The following SLC36A1 variants were observed in gnomAD, a reference collection of about 807,000 sequenced individuals.
SLC36A1 encodes the protein solute carrier family 36 member 1.
SLC36A1 carries 30 observed loss-of-function variants against 47.5 expected under a neutral mutation model. That is an observed-to-expected ratio of 0.63 (90% CI 0.47 to 0.86). The LOEUF (loss-of-function observed/expected upper bound fraction) is 0.86, where lower values mean the gene tolerates loss of function less well. SLC36A1 is among the 40% of genes least tolerant of loss of function. The pLI, the probability that SLC36A1 is intolerant of heterozygous loss-of-function variation, is 0.00. For synonymous variants in SLC36A1, 255 were observed against 249.7 expected (o/e 1.02, Z -0.20); for missense variants, 517 against 606.0 (o/e 0.85, Z 1.54).
At chr5:151,486,233 G>C (rs1228869656) in intron 10 of SLC36A1, among the ~76,000 whole-genome samples, 4 of 152,088 alleles carry the variant, frequency 2.6e-5, no homozygotes, top group Non-Finnish European at 5.9e-5. Context: ...GAGGTACCAG[G>C]CTCTTTTAAA....
intron 5 of SLC36A1, 83 bp from the exon 6 acceptor site, chr5:151,467,112 AAAAC>A (rs1756511139): frequency 1.9e-6 from 2 of 1,066,332 alleles, no homozygotes; most frequent in African/African-American, 3.2e-5. Context: ...AATCTATTAA[AAAAC>A]AAAAACAAAA....
the SLC36A1 span, chr5:151,506,158 C>T: frequency 1.4e-6 from 2 of 1,477,464 alleles, no homozygotes; most frequent in South Asian, 2.8e-5. Context: ...TCAGCTGGCT[C>T]TATAGCAACT....
In SLC36A1 at chr5:151,480,317, A is replaced by T. The variant is rs1239744283; in HGVS notation, c.1159+828A>T. Among the ~76,000 whole-genome samples, 2 of 152,152 alleles carry T rather than the reference A, an allele frequency of 1.3e-5. 1 individual carries two copies. Among genetic ancestry groups the T allele is most frequent in the East Asian group, 3.9e-4 (2 of 5,176 alleles). ...CTCTTTTTAGGTTTTATTATTTTTG[A>T]ACAAGAACCTCTTTGCTTATTATGT... On this transcript the variant is annotated intron_variant, in intron 10 of 10. Transcript: ENST00000243389.
the SLC36A1 span, chr5:151,534,682 A>AAATATTACC: frequency 5.1e-6 from 8 of 1,557,728 alleles, 1 homozygote; most frequent in Non-Finnish European, 7.1e-6. Flanking sequence ...TTCTCTGGGG[A>AAATATTACC]AATATTACCC....
the SLC36A1 span, among the ~76,000 whole-genome samples, chr5:151,365,737 G>A: frequency 1.9e-4 from 29 of 152,228 alleles, no homozygotes; most frequent in Admixed American, 1.7e-3. Context: ...GTTAGCACTA[G>A]TTCCCTAACT....
At chr5:151,444,092 G>A (rs528348869), upstream of SLC36A1, among the ~76,000 whole-genome samples, 2 of 152,094 alleles carry the variant, frequency 1.3e-5, no homozygotes, top group Non-Finnish European at 2.9e-5. Flanking sequence ...ATTTTGAATC[G>A]GGAAGTGTGA....
chr5:151,487,978 T>G lies in SLC36A1; in HGVS notation c.1160-5T>G. ...CTTAAACAGGCATGTCCTCTCTCCC[T>G]GCAGGCATCTTGGCCATCCTCATCC... is the stretch of plus-strand genomic sequence containing the variant. On this transcript the variant is annotated splice_polypyrimidine_tract_variant and splice_region_variant and intron_variant, in intron 10 of 10. Coordinates refer to ENST00000243389, the MANE Select transcript of SLC36A1 (RefSeq NM_078483.4). 1 of 1,613,970 alleles carries G rather than the reference T, an allele frequency of 6.2e-7. No individual in the cohort carries two copies. The highest frequency in any genetic ancestry group is 8.5e-7 in the Non-Finnish European group (1 of 1,179,992).
chr5:151,414,438 A>G, the SLC36A1 span, among the ~76,000 whole-genome samples: 1 of 152,232 alleles, frequency 6.6e-6, no homozygotes, highest in African/African-American at 2.4e-5. Flanking sequence ...CAGAGCACCT[A>G]GGGTCTTGTG....
intron 1 of SLC36A1, among the ~76,000 whole-genome samples, chr5:151,449,740 T>C (rs757226470): frequency 1.3e-5 from 2 of 152,262 alleles, no homozygotes; most frequent in Admixed American, 6.5e-5. Context: ...ATTAGAACAC[T>C]GAGCACGGAG....
upstream of SLC36A1, among the ~76,000 whole-genome samples, chr5:151,436,102 G>T (rs1759762135): frequency 6.6e-6 from 1 of 151,968 alleles, no homozygotes; most frequent in Non-Finnish European, 1.5e-5. Context: ...CTCTAAGGTA[G>T]TTACTTGAAA....
the SLC36A1 span, chr5:151,545,372 G>A: frequency 1.2e-6 from 2 of 1,614,130 alleles, no homozygotes; most frequent in Non-Finnish European, 1.7e-6. Context: ...GTGACAGGAT[G>A]GATGGTAACA....
chr5:151,540,894 G>GC, the SLC36A1 span: 1 of 799,922 alleles, frequency 1.3e-6, no homozygotes, highest in Admixed American at 2.9e-5. Flanking sequence ...CCTTAACTAG[G>GC]AACCCACGAT....
chr5:151,532,298 A>G, the SLC36A1 span, among the ~76,000 whole-genome samples: 1 of 152,220 alleles, frequency 6.6e-6, no homozygotes, highest in African/African-American at 2.4e-5. Flanking sequence ...TCCTTGACTG[A>G]GATAGAACAG....
the SLC36A1 span, among the ~76,000 whole-genome samples, chr5:151,351,884 C>T: frequency 6.6e-6 from 1 of 152,110 alleles, no homozygotes; most frequent in Non-Finnish European, 1.5e-5. Context: ...CTTCCTGAAA[C>T]CTCCTCCTGC....
chr5:151,527,902 A>T, the SLC36A1 span: 1 of 1,493,990 alleles, frequency 6.7e-7, no homozygotes, highest in African/African-American at 1.4e-5. Context: ...AAGTTTCAGG[A>T]TGGGGTCTTG....
the SLC36A1 span, among the ~76,000 whole-genome samples, chr5:151,349,762 C>T: frequency 6.6e-6 from 1 of 152,148 alleles, no homozygotes; most frequent in Non-Finnish European, 1.5e-5. Context: ...GAGCCTTGTT[C>T]CTTTCATGGC....
chr5:151,347,277 T>C, the SLC36A1 span: 7 of 1,614,094 alleles, frequency 4.3e-6, no homozygotes, highest in Non-Finnish European at 5.9e-6. Context: ...GAAATAGGGA[T>C]GGCAGAAAAC....
rs73796594 is a variant in SLC36A1 at position 151,466,867 on chromosome 5, C to T, written c.420-332C>T. On this transcript the variant is annotated intron_variant, in intron 5 of 10. Coordinates refer to ENST00000243389, the MANE Select transcript of SLC36A1 (RefSeq NM_078483.4). The stretch of plus-strand genomic sequence containing the variant: ...TCGGAAACCACACAGATAGCACCTC[C>T]CTCACCTTCTTCCCAATGCCCCAGA... 4.9e-3 allele frequency among the ~76,000 whole-genome samples: 747 copies of T among 152,210 alleles called. 4 individuals are homozygous for T. Among genetic ancestry groups the T allele is most frequent in the African/African-American group, 0.017 (717 of 41,520 alleles).
chr5:151,348,086 C>G, the SLC36A1 span, among the ~76,000 whole-genome samples: 1 of 152,144 alleles, frequency 6.6e-6, no homozygotes, highest in Non-Finnish European at 1.5e-5. Flanking sequence ...CTTGCAGCAC[C>G]CCATTCTTAA....
Sources: allele counts gnomAD v4.1 joint callset (sites outside exome capture counted in the v4.1 genomes callset), GRCh38; gene constraint gnomAD v4.1.1; transcripts MANE v1.5; gene names NCBI Gene and HGNC (gene_info 2026-07-23, HGNC 2026-07-21).